The following WWTR1 variants were observed in gnomAD, a reference collection of about 807,000 sequenced individuals.
WWTR1 encodes the protein WW domain containing transcription regulator 1.
Under a neutral mutation model 40.1 loss-of-function variants are expected in WWTR1, and 13 were observed. The observed-to-expected ratio is 0.32, with a 90% CI of 0.21 to 0.52. WWTR1 has a LOEUF of 0.52. Ranked by LOEUF, WWTR1 falls within the 20% of genes least tolerant of loss-of-function variation. The pLI, the probability that WWTR1 is intolerant of heterozygous loss-of-function variation, is 0.97. For missense variants in WWTR1, 436 were observed against 523.1 expected (o/e 0.83, Z 1.63); for synonymous variants, 230 against 210.1 (o/e 1.09, Z -0.82).
chr3:149,553,354 G>A (rs952836604), intron 3 of WWTR1, among the ~76,000 whole-genome samples: 3 of 152,134 alleles, frequency 2.0e-5, no homozygotes, highest in African/African-American at 7.2e-5. Flanking sequence ...AGGCCAAGTA[G>A]TGTTTCCTTT....
chr3:149,649,863 G>T (rs1474871891), intron 2 of WWTR1: 2 of 148,774 alleles, frequency 1.3e-5, no homozygotes, highest in African/African-American at 5.0e-5. Context: ...GCTGCCGTGA[G>T]CTGAGATGGC....
At chr3:149,544,396 G>C (rs766990850) in intron 3 of WWTR1, among the ~76,000 whole-genome samples, 2 of 152,130 alleles carry the variant, frequency 1.3e-5, no homozygotes, top group Non-Finnish European at 2.9e-5. Context: ...TTCCTGCTGC[G>C]TGTCATGCAC....
chr3:149,611,895 ATG>A (rs1197289265), intron 2 of WWTR1, among the ~76,000 whole-genome samples: 2 of 152,248 alleles, frequency 1.3e-5, no homozygotes, highest in East Asian at 3.8e-4. Context: ...AAAAGTTTGC[ATG>A]TCAGTTTAAT....
intron 2 of WWTR1, among the ~76,000 whole-genome samples, chr3:149,651,992 A>ATTTTTTTTTTTTTTTTTTTT (rs368845286): frequency 1.2e-4 from 11 of 93,704 alleles, no homozygotes; most frequent in East Asian, 3.7e-4. Context: ...CGCCCGGCTA[A>ATTTTTTTTTTTTTTTTTTTT]TTTTTTTTTT....
chr3:149,609,128 G>A (rs551623809), intron 2 of WWTR1, among the ~76,000 whole-genome samples: 11 of 152,208 alleles, frequency 7.2e-5, no homozygotes, highest in Non-Finnish European at 1.2e-4. Context: ...AGCCCTAGAA[G>A]TCATCTAGTC....
chr3:149,670,643 C>CAGAAAAA (rs1714040136), intron 1 of WWTR1: 1 of 101,150 alleles, frequency 9.9e-6, no homozygotes, highest in Non-Finnish European at 1.9e-5. Context: ...GACTCCGTCT[C>CAGAAAAA]AAAAAAAAAA....
chr3:149,632,815 A>T (rs1711608317), intron 2 of WWTR1, among the ~76,000 whole-genome samples: 1 of 152,258 alleles, frequency 6.6e-6, no homozygotes, highest in Non-Finnish European at 1.5e-5. Flanking sequence ...ACTACATATC[A>T]TATGATTCAA....
intron 3 of WWTR1, among the ~76,000 whole-genome samples, chr3:149,548,715 G>A (rs1736478246): frequency 6.6e-6 from 1 of 152,204 alleles, no homozygotes; most frequent in Non-Finnish European, 1.5e-5. Flanking sequence ...CTTGGAAGGT[G>A]AAGAAGAATA....
chr3:149,722,411 C>A (rs1715774598), intron 4 of WWTR1, among the ~76,000 whole-genome samples: 1 of 151,456 alleles, frequency 6.6e-6, no homozygotes, highest in African/African-American at 2.4e-5. Context: ...TATAAATATT[C>A]CCCTTTGCAT....
intron 2 of WWTR1, among the ~76,000 whole-genome samples, chr3:149,646,088 A>G (rs1216279301): frequency 1.3e-5 from 2 of 152,242 alleles, no homozygotes; most frequent in Non-Finnish European, 2.9e-5. Flanking sequence ...ATGATTATTA[A>G]GTTAATGAAA....
At chr3:149,709,017 T>C (rs979317541) in intron 5 of WWTR1, among the ~76,000 whole-genome samples, 2 of 152,036 alleles carry the variant, frequency 1.3e-5, no homozygotes, top group African/African-American at 2.4e-5. Context: ...TTATATTTTA[T>C]TTTTCTTGAG....
chr3:149,666,732 A>T (rs1157638868), intron 2 of WWTR1, among the ~76,000 whole-genome samples: 1 of 152,218 alleles, frequency 6.6e-6, no homozygotes, highest in Non-Finnish European at 1.5e-5. Context: ...GTCTTGCCAA[A>T]GGCCATTGAT....
chr3:149,692,684 A>G (rs1254438216), intron 1 of WWTR1, among the ~76,000 whole-genome samples: 1 of 152,062 alleles, frequency 6.6e-6, no homozygotes, highest in Admixed American at 6.5e-5. Flanking sequence ...CCCAGGCTGG[A>G]GTGCAATGGT....
chr3:149,661,740 T>G (rs1713588154), upstream of WWTR1, among the ~76,000 whole-genome samples: 2 of 148,796 alleles, frequency 1.3e-5, no homozygotes, highest in Admixed American at 6.7e-5. Flanking sequence ...AAAGTTTTTT[T>G]TTTTTTTTTT....
intron 2 of WWTR1, among the ~76,000 whole-genome samples, chr3:149,615,228 T>C (rs1345784686): frequency 6.6e-6 from 1 of 152,230 alleles, no homozygotes; most frequent in Non-Finnish European, 1.5e-5. Flanking sequence ...ATACCTATAA[T>C]TCAGCTCTGA....
intron 3 of WWTR1, among the ~76,000 whole-genome samples, chr3:149,559,139 C>T (rs918799406): frequency 3.3e-5 from 5 of 151,594 alleles, no homozygotes; most frequent in African/African-American, 1.2e-4. Flanking sequence ...ACTAAAAATA[C>T]AAAAATTTGC....
intron 5 of WWTR1, among the ~76,000 whole-genome samples, chr3:149,709,411 G>A (rs1434031343): frequency 1.3e-5 from 2 of 151,868 alleles, no homozygotes; most frequent in Non-Finnish European, 2.9e-5. Flanking sequence ...CTATTTGTAT[G>A]TCTTCTTTAG....
chr3:149,701,132 CTTTCTTTTTT>C (rs1282577278), intron 1 of WWTR1, among the ~76,000 whole-genome samples: 2 of 151,948 alleles, frequency 1.3e-5, no homozygotes, highest in Non-Finnish European at 2.9e-5. Context: ...TTTTAAAAGC[CTTTCTTTTTT>C]TTTCTTTTCT....
intron 3 of WWTR1, among the ~76,000 whole-genome samples, chr3:149,546,114 C>T (rs1200413323): frequency 6.6e-6 from 1 of 152,212 alleles, no homozygotes; most frequent in African/African-American, 2.4e-5. Context: ...GTCTTTAAAA[C>T]ACTTGCCCCT....
Sources: gnomAD v4.1 joint callset for allele counts (sites outside exome capture counted in the v4.1 genomes callset) on GRCh38, gnomAD v4.1.1 for gene constraint, MANE v1.5 for transcripts, NCBI Gene and HGNC (gene_info 2026-07-23, HGNC 2026-07-21) for gene names.